ABCA6: variants seen among roughly 807,000 people sequenced by gnomAD.
The protein encoded by ABCA6 is ATP binding cassette subfamily A member 6, also known as ATP-binding cassette sub-family A member 6.
In ABCA6, 164 loss-of-function variants were observed where a neutral mutation model predicts 191.2. That is an observed-to-expected ratio of 0.86 (90% CI 0.76 to 0.98). The LOEUF is 0.98. Among genes scored for constraint, ABCA6 ranks in the 50% least tolerant of loss-of-function variants. The pLI is 0.00. For missense variants in ABCA6, 1,958 were observed against 1,894.1 expected (o/e 1.03, Z -0.63); for synonymous variants, 636 against 647.7 (o/e 0.98, Z 0.27).
At chr17:69,086,144 C>A (rs1011748412) in intron 30 of ABCA6, among the ~76,000 whole-genome samples, 5 of 152,114 alleles carry the variant, frequency 3.3e-5, no homozygotes, top group African/African-American at 1.2e-4. Flanking sequence ...CTTGTCCCCC[C>A]CAACCCAAAC....
intron 36 of ABCA6, among the ~76,000 whole-genome samples, chr17:69,082,671 A>G (rs775680893): frequency 1.3e-5 from 2 of 152,030 alleles, no homozygotes; most frequent in Non-Finnish European, 2.9e-5. Flanking sequence ...GGCCAAGGAG[A>G]GTGTGCCTGG....
chr17:69,138,441 G>T (rs758640225), intron 2 of ABCA6, among the ~76,000 whole-genome samples: 13 of 152,114 alleles, frequency 8.5e-5, no homozygotes, highest in Non-Finnish European at 1.5e-4. Context: ...TTGTGAATGG[G>T]AATTCACTCA....
chr17:69,121,718 T>C (rs988092993), intron 10 of ABCA6, among the ~76,000 whole-genome samples: 1 of 152,004 alleles, frequency 6.6e-6, no homozygotes. Context: ...AAGTAAAAGA[T>C]TTTGTTAGAA....
At chr17:69,091,020 A>C in intron 26 of ABCA6, 123 bp downstream of exon 26, 1 of 973,604 alleles carries the variant, frequency 1.0e-6, no homozygotes, top group Non-Finnish European at 1.5e-6. Flanking sequence ...TCCCCCCAAA[A>C]TCTCTTATGC....
At chr17:69,110,669 C>T in intron 17 of ABCA6, 132 bp downstream of exon 17, 1 of 1,025,198 alleles carries the variant, frequency 9.8e-7, no homozygotes, top group Non-Finnish European at 1.4e-6. Flanking sequence ...TCAATCCTTC[C>T]TCTTGAGTTC....
At position 69,096,677 on chromosome 17, in the gene ABCA6, A is replaced by T. The variant is rs755057576; in HGVS notation, c.3245T>A (p.Ile1082Lys). Reference sequence around the variant, plus strand: ...AATAAGAAGGTACTGCATGTTTTCTATGTAGAAAATTAAATACATTAAAAG... The same window carrying T: ...AATAAGAAGGTACTGCATGTTTTCTTTGTAGAAAATTAAATACATTAAAAG... Reference protein sequence around the residue: ...ILLLMYLIFYIENMQYLLITS... With the variant: ...ILLLMYLIFYKENMQYLLITS... Residue 1082 changes from isoleucine to lysine, a missense_variant, in exon 24 of 39, where the codon ATA (isoleucine) becomes AAA (lysine). Physicochemically the swap from Ile to Lys is moderately radical, Grantham distance 102 (BLOSUM62 -3). Transcript: ENST00000284425. 39 of 1,572,872 alleles carry T rather than the reference A, an allele frequency of 2.5e-5. No homozygotes were observed. Among genetic ancestry groups the T allele is most frequent in the Non-Finnish European group, 3.3e-5 (38 of 1,164,432 alleles).
intron 37 of ABCA6, 91 bp from the exon 38 acceptor site, chr17:69,079,356 T>G: frequency 1.0e-6 from 1 of 981,872 alleles, no homozygotes; most frequent in East Asian, 2.7e-5. Context: ...AAAATGTAAA[T>G]CATTAATATA....
chr17:69,121,601 G>C (rs1568026963), intron 10 of ABCA6, among the ~76,000 whole-genome samples: 1 of 151,958 alleles, frequency 6.6e-6, no homozygotes, highest in Non-Finnish European at 1.5e-5. Flanking sequence ...GGGGATGTGG[G>C]AGAAGAAGGG....
At chr17:69,083,040 GA>G (rs937853482) in intron 35 of ABCA6, 27 bp from the exon 36 acceptor site, 18 of 1,605,716 alleles carry the variant, frequency 1.1e-5, no homozygotes, top group Non-Finnish European at 1.5e-5. Context: ...GAATATGTTG[GA>G]AAAAATATTG....
At chr17:69,086,558 T>C (rs1345942005) in intron 30 of ABCA6, 60 bp downstream of exon 30, 2 of 1,055,982 alleles carry the variant, frequency 1.9e-6, no homozygotes, top group East Asian at 2.9e-5. Context: ...GCCTATGACA[T>C]AGATGTTCGG....
intron 10 of ABCA6, among the ~76,000 whole-genome samples, chr17:69,121,595 A>G (rs1394593064): frequency 2.0e-5 from 3 of 151,862 alleles, no homozygotes; most frequent in Non-Finnish European, 4.4e-5. Flanking sequence ...CACAGTGGGG[A>G]TGTGGGAGAA....
intron 25 of ABCA6, among the ~76,000 whole-genome samples, chr17:69,093,896 C>T (rs959851002): frequency 1.3e-5 from 2 of 152,060 alleles, no homozygotes; most frequent in African/African-American, 4.8e-5. Flanking sequence ...TATATAAATA[C>T]ATATTTTACT....
At chr17:69,110,620 G>C in intron 17 of ABCA6, 181 bp downstream of exon 17, 1 of 616,918 alleles carries the variant, frequency 1.6e-6, no homozygotes, top group Non-Finnish European at 2.7e-6. Flanking sequence ...TTATCTGCTG[G>C]TGCTTCCACG....
chr17:69,120,881 G>C (rs1286839579), intron 10 of ABCA6, among the ~76,000 whole-genome samples: 1 of 152,028 alleles, frequency 6.6e-6, no homozygotes, highest in East Asian at 1.9e-4. Flanking sequence ...ATGAGGAAGA[G>C]CCAGTTGTGA....
At chr17:69,098,241 A>G (rs368123858) in intron 22 of ABCA6, 11 of 437,786 alleles carry the variant, frequency 2.5e-5, no homozygotes, top group Middle Eastern at 5.9e-4. Flanking sequence ...ACTTCTGGGG[A>G]TATTTCCAAA....
In ABCA6 at chr17:69,114,932, C is replaced by T; in HGVS notation, c.1612G>A (p.Val538Ile). The change falls in exon 13 of 39, where the codon GTT becomes ATT. Residue 538 changes from valine to isoleucine, a missense_variant. Val to Ile is a conservative substitution (Grantham distance 29, BLOSUM62 3). Coordinates refer to ENST00000284425, the MANE Select transcript of ABCA6 (RefSeq NM_080284.3). The part of the protein sequence containing the change: ...NGLSVPTEGS[V>I]TIYNKNLSEM... ...GAGAGATTTTTATTATAGATGGTAA[C>T]TGATCCTAAGAATAGAAGTTAAAAA... 1 of 1,603,896 alleles carries T rather than the reference C, an allele frequency of 6.2e-7. No homozygotes were observed. Among genetic ancestry groups the T allele is most frequent in the Non-Finnish European group, 8.5e-7 (1 of 1,174,262 alleles).
At chr17:69,089,749 C>G (rs2072884262) in intron 26 of ABCA6, among the ~76,000 whole-genome samples, 1 of 152,148 alleles carries the variant, frequency 6.6e-6, no homozygotes, top group Non-Finnish European at 1.5e-5. Flanking sequence ...TAACCTATGT[C>G]TGTTCCTCTC....
intron 8 of ABCA6, among the ~76,000 whole-genome samples, chr17:69,125,651 G>A (rs1478830215): frequency 6.6e-6 from 1 of 152,048 alleles, no homozygotes; most frequent in Non-Finnish European, 1.5e-5. Flanking sequence ...AGTGAAATTA[G>A]AACAAAGAAA....
In ABCA6 at chr17:69,140,729, T is replaced by C. The variant is rs1390886332; in HGVS notation, c.-26A>G. The C allele has an allele frequency of 6.8e-7, 1 of 1,474,538 alleles. No homozygotes were observed. Among genetic ancestry groups the C allele is most frequent in the Admixed American group, 2.1e-5 (1 of 47,844 alleles). 91.3% of individuals were successfully genotyped at this position (1,474,538 alleles called of 1,614,324 possible). ...TTAGCCTATTCGCTGAAGGAGAAAG[T>C]AATCATGGTGGAACACAACCTAGAA... On this transcript the variant is annotated 5_prime_UTR_variant, in exon 2 of 39. Transcript: ENST00000284425.
Sources: gnomAD v4.1 joint callset for allele counts (sites outside exome capture counted in the v4.1 genomes callset) on GRCh38, gnomAD v4.1.1 for gene constraint, MANE v1.5 for transcripts, NCBI Gene and HGNC (gene_info 2026-07-23, HGNC 2026-07-21) for gene names.